Variants in CNBD1 observed in about 807,000 individuals in gnomAD.
CNBD1 encodes the protein cyclic nucleotide binding domain containing 1.
A neutral mutation model predicts 54.4 loss-of-function variants in CNBD1; 71 were observed. That is an observed-to-expected ratio of 1.30 (90% CI 1.08 to 1.59). CNBD1 has a LOEUF of 1.59. Among genes scored for constraint, CNBD1 ranks in the 40% most tolerant of loss-of-function variants. The probability of loss-of-function intolerance (pLI) is 0.00; values close to 1 mark genes in which losing one functional copy is unlikely to be tolerated. For synonymous variants in CNBD1, 182 were observed against 170.7 expected, an observed-to-expected ratio of 1.07 and a Z score of -0.51; for missense variants, 659 against 518.0, an observed-to-expected ratio of 1.27 and a Z score of -2.64.
chr8:87,286,693 T>A (rs1808707762), intron 8 of CNBD1, 22 bp downstream of exon 8: 1 of 1,509,122 alleles, frequency 6.6e-7, no homozygotes, highest in Non-Finnish European at 9.0e-7. Flanking sequence ...GCAATTTAGA[T>A]CATTTTGTTT....
rs1402549262 is a variant in CNBD1, at chr8:86,871,635, A to AAGCCT, written c.88+5054_88+5058dup. On this transcript the variant is annotated intron_variant, in intron 1 of 10. Transcript: ENST00000518476. ...CAGCTAAAACACTTTGTTATTCCTT[A>AAGCCT]AGCCTATCTGCCAATACTGATTAGA... Among the ~76,000 whole-genome samples the AAGCCT allele has an allele frequency of 5.9e-5, 9 of 152,206 alleles. No individual in the cohort carries two copies. In the East Asian group the frequency reaches 1.5e-3, roughly 26 times the overall value.
At chr8:86,934,640 A>C (rs1809513102) in intron 3 of CNBD1, among the ~76,000 whole-genome samples, 1 of 152,190 alleles carries the variant, frequency 6.6e-6, no homozygotes, top group South Asian at 2.1e-4. Context: ...TGTCATATTA[A>C]GTTTCATTTC....
chr8:87,306,253 A>T (rs1047143385), intron 8 of CNBD1, among the ~76,000 whole-genome samples: 2 of 152,128 alleles, frequency 1.3e-5, no homozygotes, highest in African/African-American at 4.8e-5. Flanking sequence ...TCAATAAAAC[A>T]GTAGATGGTG....
chr8:87,177,892 G>A (rs565965578), intron 4 of CNBD1, among the ~76,000 whole-genome samples: 1 of 152,284 alleles, frequency 6.6e-6, no homozygotes, highest in South Asian at 2.1e-4. Flanking sequence ...TTAACAAATA[G>A]TAGGTTTGGC....
chr8:86,958,787 G>T (rs2130464319), intron 4 of CNBD1, among the ~76,000 whole-genome samples: 1 of 152,102 alleles, frequency 6.6e-6, no homozygotes, highest in Admixed American at 6.5e-5. Context: ...TATCCAATTT[G>T]TCAGTATGTG....
chr8:87,044,564 T>C (rs1810141781), intron 4 of CNBD1: 1 of 152,202 alleles, frequency 6.6e-6, no homozygotes. Context: ...CCAACTTTTA[T>C]AAGAAACTCC....
At chr8:87,372,644 A>C (rs1038039260) in intron 10 of CNBD1, among the ~76,000 whole-genome samples, 1 of 151,808 alleles carries the variant, frequency 6.6e-6, no homozygotes, top group African/African-American at 2.4e-5. Context: ...TTTTTGTTAC[A>C]TAATACTTTA....
intron 1 of CNBD1, among the ~76,000 whole-genome samples, chr8:86,867,112 C>T (rs945188300): frequency 1.3e-5 from 2 of 152,020 alleles, no homozygotes; most frequent in African/African-American, 4.8e-5. Flanking sequence ...AAGTATAGAA[C>T]TAGATATTTC....
At chr8:87,319,288 G>C (rs1374680216) in intron 8 of CNBD1, among the ~76,000 whole-genome samples, 3 of 152,086 alleles carry the variant, frequency 2.0e-5, no homozygotes, top group African/African-American at 7.2e-5. Flanking sequence ...AGTAGAACTG[G>C]CTAAAATGGA....
intron 8 of CNBD1, among the ~76,000 whole-genome samples, chr8:87,288,321 G>A (rs922888389): frequency 6.6e-5 from 10 of 151,786 alleles, no homozygotes; most frequent in Non-Finnish European, 1.2e-4. Context: ...TTTGTCACAG[G>A]TTTCCCACTT....
chr8:87,065,311 A>G (rs1810626984), intron 4 of CNBD1, among the ~76,000 whole-genome samples: 1 of 151,486 alleles, frequency 6.6e-6, no homozygotes, highest in African/African-American at 2.4e-5. Flanking sequence ...CTTGGGCCTG[A>G]TTATTTATTT....
intron 3 of CNBD1, 119 bp from the exon 4 acceptor site, chr8:86,939,477 C>T: frequency 1.7e-6 from 1 of 598,148 alleles, no homozygotes; most frequent in South Asian, 3.5e-5. Flanking sequence ...AGAATATGTT[C>T]TGAAAATGAC....
rs188178847 is a variant in CNBD1 at position 86,981,189 on chromosome 8, G to C, written c.431+41435G>C. Among the ~76,000 whole-genome samples, 453 of 152,304 alleles carry C rather than the reference G, an allele frequency of 3.0e-3. 3 individuals are homozygous for C. The highest frequency in any genetic ancestry group is 0.01 in the African/African-American group (416 of 41,570). ...TGTGTGTCTGTGTGCGTGCGCGCGC[G>C]CATTGTGTACTCACACACATTCAAG... On this transcript the variant is annotated intron_variant, in intron 4 of 10. Coordinates refer to ENST00000518476, the MANE Select transcript of CNBD1 (RefSeq NM_173538.3).
chr8:87,287,687 G>C (rs943469388), intron 8 of CNBD1, among the ~76,000 whole-genome samples: 1 of 152,016 alleles, frequency 6.6e-6, no homozygotes, highest in African/African-American at 2.4e-5. Context: ...AGGAAAACGA[G>C]GTTCAGCATA....
intron 4 of CNBD1, among the ~76,000 whole-genome samples, chr8:87,136,576 A>G (rs1280753116): frequency 3.3e-5 from 3 of 89,686 alleles, no homozygotes; most frequent in South Asian, 6.0e-4. Flanking sequence ...TTATATTTAT[A>G]TTATATATAA....
intron 4 of CNBD1, among the ~76,000 whole-genome samples, chr8:87,184,526 C>T (rs565964650): frequency 6.6e-6 from 1 of 152,180 alleles, no homozygotes; most frequent in African/African-American, 2.4e-5. Context: ...CTATCTTGTC[C>T]ATCTCTCCTG....
At chr8:87,127,771 G>T (rs1181002061) in intron 4 of CNBD1, among the ~76,000 whole-genome samples, 2 of 152,070 alleles carry the variant, frequency 1.3e-5, no homozygotes, top group Non-Finnish European at 2.9e-5. Context: ...AAGTATTTCA[G>T]CTGTAGGTGA....
At chr8:87,127,126 T>C in intron 4 of CNBD1, among the ~76,000 whole-genome samples, 1 of 152,012 alleles carries the variant, frequency 6.6e-6, no homozygotes, top group East Asian at 1.9e-4. Flanking sequence ...TTTTTCAAAA[T>C]CATTTTGGAT....
At chr8:87,146,164 CAATTAT>C (rs1812483264) in intron 4 of CNBD1, among the ~76,000 whole-genome samples, 1 of 152,022 alleles carries the variant, frequency 6.6e-6, no homozygotes, top group Admixed American at 6.6e-5. Flanking sequence ...ATAAGTTTTA[CAATTAT>C]AATTATAGAC....
Sources: allele counts gnomAD v4.1 joint callset (sites outside exome capture counted in the v4.1 genomes callset), GRCh38; gene constraint gnomAD v4.1.1; transcripts MANE v1.5; gene names NCBI Gene and HGNC (gene_info 2026-07-23, HGNC 2026-07-21).